Variants in ART3 observed in about 807,000 individuals in gnomAD.
ART3 encodes the protein ecto-ADP-ribosyltransferase 3.
Under a neutral mutation model 48.5 loss-of-function variants are expected in ART3, and 49 were observed. That is an observed-to-expected ratio of 1.01 (90% CI 0.80 to 1.28). The LOEUF is 1.28. Among genes scored for constraint, ART3 ranks in the 50% most tolerant of loss-of-function variants. ART3 has a pLI of 0.00. For synonymous variants in ART3, 145 were observed against 157.2 expected (o/e 0.92, Z 0.58); for missense variants, 438 against 454.3 (o/e 0.96, Z 0.33).
intron 1 of ART3, among the ~76,000 whole-genome samples, chr4:76,037,659 A>G (rs1228466320): frequency 3.3e-5 from 5 of 152,062 alleles, no homozygotes; most frequent in East Asian, 1.9e-4. Flanking sequence ...AAAGGAATAC[A>G]TTGTTTTACA....
At position 76,097,738 on chromosome 4, in the gene ART3, A is replaced by G. The variant is rs575272823; in HGVS notation, c.814+62A>G. Reference sequence around the variant, plus strand: ...ATTTTATCAGTTACTTCTCATAGCTATGGGTCAGAGCTACCCCACCACTGT... The same window carrying G: ...ATTTTATCAGTTACTTCTCATAGCTGTGGGTCAGAGCTACCCCACCACTGT... On this transcript the variant is annotated intron_variant, in intron 4 of 11. Transcript: ENST00000355810. The G allele has an allele frequency of 1.3e-5, 18 of 1,344,206 alleles. No homozygotes were observed. In the East Asian group the frequency reaches 1.4e-4, roughly 10 times the overall value. The allele number at this position is 1,344,206 out of a possible 1,614,324, so 83.3% of individuals were successfully genotyped here.
In ART3 at chr4:76,013,235, C is replaced by T. The variant is rs1318796938; in HGVS notation, c.-10+1915C>T. Among the ~76,000 whole-genome samples the T allele has an allele frequency of 3.3e-5, 5 of 152,302 alleles. No homozygotes were observed. The East Asian group carries it at 7.7e-4, about 23-fold the overall frequency. ...GAAGAAGTTGGGGGAATATTCTAAG[C>T]AAGAGGCAGGAGAAGGTATGCCAAA... On this transcript the variant is annotated intron_variant, in intron 1 of 9. Coordinates refer to the ART3 transcript ENST00000341029.
chr4:76,049,009 G>C (rs1194193435), intron 1 of ART3, among the ~76,000 whole-genome samples: 1 of 151,894 alleles, frequency 6.6e-6, no homozygotes, highest in Non-Finnish European at 1.5e-5. Flanking sequence ...GAATAGGAAG[G>C]ATACAATTTC....
intron 1 of ART3, among the ~76,000 whole-genome samples, chr4:76,029,426 G>C (rs182606564): frequency 2.1e-4 from 32 of 152,226 alleles, no homozygotes; most frequent in African/African-American, 7.7e-4. Context: ...TTCTTCTTAG[G>C]TACTTAAGTG....
intron 1 of ART3, among the ~76,000 whole-genome samples, chr4:76,035,568 T>C (rs2149407617): frequency 6.6e-6 from 1 of 152,322 alleles, no homozygotes; most frequent in South Asian, 2.1e-4. Flanking sequence ...TGAAGGAAGT[T>C]TATTGGAGGT....
intron 1 of ART3, among the ~76,000 whole-genome samples, chr4:76,026,190 A>G (rs1038005337): frequency 6.6e-6 from 1 of 151,944 alleles, no homozygotes; most frequent in Non-Finnish European, 1.5e-5. Context: ...CCTTCTGGAC[A>G]TTTAAATTTT....
intron 9 of ART3, chr4:76,104,282 A>G (rs1727985023): frequency 4.4e-6 from 4 of 904,806 alleles, no homozygotes; most frequent in African/African-American, 1.8e-5. Context: ...GTTATTCAAT[A>G]GAAACCTACC....
At chr4:76,078,179 G>A (rs114859934) in intron 2 of ART3, among the ~76,000 whole-genome samples, 1,689 of 151,706 alleles carry the variant, frequency 0.011, 33 homozygotes, top group African/African-American at 0.039. Flanking sequence ...CCTGAATAGT[G>A]GTGGCATTTA....
intron 1 of ART3, chr4:76,035,166 TAAAC>T (rs773687700): frequency 7.4e-6 from 12 of 1,613,008 alleles, no homozygotes; most frequent in African/African-American, 6.7e-5. Flanking sequence ...TGCAAATACA[TAAAC>T]AAAAAAGCCT....
At chr4:76,042,505 T>G (rs889795480) in intron 1 of ART3, among the ~76,000 whole-genome samples, 1 of 152,124 alleles carries the variant, frequency 6.6e-6, no homozygotes, top group Non-Finnish European at 1.5e-5. Context: ...CTGAACAGAT[T>G]AATGTAGAAT....
At chr4:76,097,758 C>T in intron 4 of ART3, 82 bp downstream of exon 4, 1 of 1,092,010 alleles carries the variant, frequency 9.2e-7, no homozygotes. Flanking sequence ...GCTACCCCAC[C>T]ACTGTACTGT....
intron 1 of ART3, among the ~76,000 whole-genome samples, chr4:76,029,543 G>A (rs1733693907): frequency 1.3e-5 from 2 of 152,080 alleles, no homozygotes; most frequent in Admixed American, 1.3e-4. Context: ...AACTAAAATT[G>A]CCTCATTCAC....
intron 3 of ART3, among the ~76,000 whole-genome samples, chr4:76,091,138 T>G (rs1413932135): frequency 6.6e-6 from 1 of 152,252 alleles, no homozygotes. Flanking sequence ...TACTTGTCTA[T>G]TCACCTGTTG....
chr4:76,079,956 T>A (rs1255406517), intron 2 of ART3, among the ~76,000 whole-genome samples: 4 of 152,098 alleles, frequency 2.6e-5, no homozygotes, highest in Admixed American at 2.6e-4. Flanking sequence ...AGAGAGTTTT[T>A]AAGTATCATT....
chr4:76,073,712 C>CT (rs1720563802), upstream of ART3, among the ~76,000 whole-genome samples: 1 of 152,202 alleles, frequency 6.6e-6, no homozygotes, highest in Non-Finnish European at 1.5e-5. Context: ...CAGTTACTAG[C>CT]TACTACCCAG....
chr4:76,018,515 T>G (rs1481100824), intron 1 of ART3, among the ~76,000 whole-genome samples: 1 of 152,074 alleles, frequency 6.6e-6, no homozygotes, highest in Non-Finnish European at 1.5e-5. Context: ...GATGAAATAA[T>G]CTATACACCA....
At chr4:76,106,725 C>A (rs1728551467) in intron 10 of ART3, among the ~76,000 whole-genome samples, 1 of 152,130 alleles carries the variant, frequency 6.6e-6, no homozygotes, top group Non-Finnish European at 1.5e-5. Context: ...GGGAGTTACT[C>A]AAGAGACTTC....
At chr4:76,082,751 A>G (rs1216974061) in intron 3 of ART3, among the ~76,000 whole-genome samples, 1 of 152,232 alleles carries the variant, frequency 6.6e-6, no homozygotes, top group African/African-American at 2.4e-5. Flanking sequence ...ACTATAAGGC[A>G]GTGGTTCTTA....
intron 1 of ART3, among the ~76,000 whole-genome samples, chr4:76,063,433 C>T (rs1002487829): frequency 2.0e-5 from 3 of 151,950 alleles, no homozygotes; most frequent in Non-Finnish European, 2.9e-5. Context: ...TACCTTATAC[C>T]ATTTTAAGCT....
Sources: gnomAD v4.1 joint callset for allele counts (sites outside exome capture counted in the v4.1 genomes callset) on GRCh38, gnomAD v4.1.1 for gene constraint, MANE v1.5 for transcripts, NCBI Gene and HGNC (gene_info 2026-07-23, HGNC 2026-07-21) for gene names.